The following PIWIL2 variants were observed in gnomAD, a reference collection of about 807,000 sequenced individuals.
PIWIL2 encodes piwi like RNA-mediated gene silencing 2.
PIWIL2 carries 81 observed loss-of-function variants against 116.5 expected under a neutral mutation model. The observed-to-expected ratio is 0.70, with a 90% CI of 0.58 to 0.84. The LOEUF (loss-of-function observed/expected upper bound fraction) is 0.84. PIWIL2 is among the 40% of genes least tolerant of loss of function. The pLI is 0.00. For synonymous variants in PIWIL2, 489 were observed against 429.5 expected (o/e 1.14, Z -1.71); for missense variants, 1,272 against 1,212.3 (o/e 1.05, Z -0.73).
chr8:22,337,528 G>A (rs1274968181), intron 20 of PIWIL2, among the ~76,000 whole-genome samples: 1 of 151,084 alleles, frequency 6.6e-6, no homozygotes, highest in African/African-American at 2.4e-5. Context: ...CAGGAGTTTG[G>A]ACCAGCCTGA....
At chr8:22,309,304 G>T (rs1831267517) in intron 14 of PIWIL2, among the ~76,000 whole-genome samples, 1 of 151,476 alleles carries the variant, frequency 6.6e-6, no homozygotes, top group Non-Finnish European at 1.5e-5. Flanking sequence ...ATAATTTAGG[G>T]ACATTTATGT....
chr8:22,289,905 G>A lies in PIWIL2; in HGVS notation c.1045G>A (p.Ala349Thr). 1.2e-6 allele frequency: 2 copies of A among 1,610,260 alleles called. No homozygotes were observed. Among genetic ancestry groups the A allele is most frequent in the Non-Finnish European group, 1.7e-6 (2 of 1,176,538 alleles). The change falls in exon 9 of 23, where the codon GCT becomes ACT. Residue 349 changes from alanine (A) to threonine (T), a missense_variant. Coordinates refer to ENST00000356766, the MANE Select transcript of PIWIL2 (RefSeq NM_018068.5). ...GAGAAACTTTTATGACCCTACAAGT[G>A]CTATGGTACTACAGCAACACAGGTT... Reference protein sequence around the residue: ...VGRNFYDPTSAMVLQQHRLQI... With the variant: ...VGRNFYDPTSTMVLQQHRLQI...
Position 22,316,135 on chromosome 8 carries a change from A to C in PIWIL2, c.2209-110A>C, listed in dbSNP as rs1831453379. 17 of 635,310 alleles carry C rather than the reference A, an allele frequency of 2.7e-5. No individual in the cohort carries two copies. The South Asian group carries it at 3.1e-4, about 12-fold the overall frequency. The allele number at this position is 635,310 out of a possible 1,614,324, so 39.4% of individuals were successfully genotyped here. A position where few individuals can be genotyped will look rare whatever the true frequency, so the allele number is the denominator to read the frequency against. ...TTTTTCTTTCCCAGAACTTACTTTC[A>C]TGTATAAACAGTAAGGGGAGGTTGC... On this transcript the variant is annotated intron_variant, in intron 18 of 22. Transcript: ENST00000356766.
Position 22,355,684 on chromosome 8 carries a change from T to C in PIWIL2, c.*179T>C. On this transcript the variant is annotated 3_prime_UTR_variant, in exon 23 of 23. Transcript: ENST00000356766. ...ACCTAATATCACCAAGAAGCAAGTT[T>C]CTGAGTAACAGCTGAAAATGGCCTT... 1.6e-6 allele frequency: 1 copy of C among 627,536 alleles called. No individual in the cohort carries two copies. The highest frequency in any genetic ancestry group is 2.0e-5 in the South Asian group (1 of 48,966). 38.9% of individuals were successfully genotyped at this position (627,536 alleles called of 1,614,324 possible).
intron 7 of PIWIL2, among the ~76,000 whole-genome samples, chr8:22,288,059 G>A (rs142418086): frequency 0.011 from 1,656 of 152,242 alleles, 43 homozygotes; most frequent in African/African-American, 0.037. Flanking sequence ...AGTACTTTGG[G>A]AGGCTAAGTC....
intron 20 of PIWIL2, among the ~76,000 whole-genome samples, chr8:22,321,212 G>A (rs1049759662): frequency 6.6e-6 from 1 of 151,502 alleles, no homozygotes; most frequent in Non-Finnish European, 1.5e-5. Flanking sequence ...TTTGAGACAG[G>A]TTCTTGCTCT....
At chr8:22,301,032 C>G (rs887229774) in intron 10 of PIWIL2, among the ~76,000 whole-genome samples, 2 of 151,580 alleles carry the variant, frequency 1.3e-5, no homozygotes, top group African/African-American at 4.8e-5. Flanking sequence ...TTGGCTGGAG[C>G]GCAGAGGTGC....
intron 5 of PIWIL2, among the ~76,000 whole-genome samples, chr8:22,283,457 G>A (rs1318933109): frequency 6.6e-6 from 1 of 152,230 alleles, no homozygotes; most frequent in African/African-American, 2.4e-5. Context: ...CGCCCAGGCT[G>A]CAGTGCAGTG....
chr8:22,321,881 G>A (rs550579500), intron 20 of PIWIL2: 22 of 985,118 alleles, frequency 2.2e-5, no homozygotes, highest in South Asian at 1.4e-4. Context: ...CAACACCTCC[G>A]AACAGTTGCC....
chr8:22,307,858 G>T, intron 13 of PIWIL2, 75 bp from the exon 14 acceptor site: 2 of 1,123,562 alleles, frequency 1.8e-6, no homozygotes, highest in Non-Finnish European at 2.5e-6. Flanking sequence ...AAACATTTTA[G>T]ACCTACTGGG....
chr8:22,280,365 C>T (rs1462002771), intron 2 of PIWIL2, among the ~76,000 whole-genome samples: 3 of 152,172 alleles, frequency 2.0e-5, no homozygotes, highest in African/African-American at 4.8e-5. Flanking sequence ...GAACACTTAA[C>T]GTGTATATGT....
At chr8:22,318,322 TA>T (rs776577825) in intron 20 of PIWIL2, 47 bp downstream of exon 20, 71 of 1,146,090 alleles carry the variant, frequency 6.2e-5, no homozygotes, top group Non-Finnish European at 8.7e-5. Flanking sequence ...TTTGTTTTTT[TA>T]TTTTTTTTTT....
At chr8:22,348,093 G>A (rs1370288729) in intron 20 of PIWIL2, among the ~76,000 whole-genome samples, 1 of 152,008 alleles carries the variant, frequency 6.6e-6, no homozygotes, top group Non-Finnish European at 1.5e-5. Context: ...TTGAGGTCAG[G>A]AGTTCGAGAC....
intron 8 of PIWIL2, 73 bp downstream of exon 8, chr8:22,288,739 T>C (rs943064288): frequency 1.0e-5 from 14 of 1,345,756 alleles, no homozygotes; most frequent in Middle Eastern, 1.9e-4. Flanking sequence ...TTCAAGATAC[T>C]TGGATGGAAA....
chr8:22,352,541 G>T (rs561923625), intron 20 of PIWIL2, among the ~76,000 whole-genome samples: 9 of 152,310 alleles, frequency 5.9e-5, no homozygotes, highest in Non-Finnish European at 2.9e-5. Flanking sequence ...CGGATCTGTG[G>T]CATATGTGGT....
intron 20 of PIWIL2, among the ~76,000 whole-genome samples, chr8:22,343,773 C>G (rs1272919257): frequency 2.0e-5 from 3 of 152,138 alleles, no homozygotes; most frequent in Non-Finnish European, 2.9e-5. Flanking sequence ...TAGGAACGCT[C>G]ACTCACGGCT....
At chr8:22,337,199 G>A (rs1229305134) in intron 20 of PIWIL2, among the ~76,000 whole-genome samples, 9 of 151,930 alleles carry the variant, frequency 5.9e-5, no homozygotes, top group Non-Finnish European at 1.0e-4. Context: ...ACTGCAGAAG[G>A]ATCCAGACTG....
At chr8:22,349,419 G>GTATGTATGTATATATATATATATA (rs1213621776) in intron 20 of PIWIL2, among the ~76,000 whole-genome samples, 3 of 134,442 alleles carry the variant, frequency 2.2e-5, no homozygotes, top group African/African-American at 8.2e-5. Context: ...ATGTGTGTGT[G>GTATGTATGTATATATATATATATA]TATATATATA....
chr8:22,332,508 A>T (rs918410195), intron 20 of PIWIL2, among the ~76,000 whole-genome samples: 1 of 152,124 alleles, frequency 6.6e-6, no homozygotes, highest in Non-Finnish European at 1.5e-5. Flanking sequence ...CTCAAGCAGG[A>T]TTTATAAAAA....
Sources: allele counts gnomAD v4.1 joint callset (sites outside exome capture counted in the v4.1 genomes callset), GRCh38; gene constraint gnomAD v4.1.1; transcripts MANE v1.5; gene names NCBI Gene and HGNC (gene_info 2026-07-23, HGNC 2026-07-21).